Variants in RIF1 observed in about 807,000 individuals in gnomAD.
The protein encoded by RIF1 is telomere-associated protein RIF1.
Under a neutral mutation model 247.1 loss-of-function variants are expected in RIF1, and 45 were observed. The observed-to-expected ratio is 0.18, with a 90% CI of 0.14 to 0.23. The LOEUF (loss-of-function observed/expected upper bound fraction) is 0.23, where lower values mean the gene tolerates loss of function less well. RIF1 is among the 10% of genes least tolerant of loss of function. The pLI is 1.00. For synonymous variants in RIF1, 1,087 were observed against 978.8 expected (o/e 1.11, Z -2.06); for missense variants, 2,967 against 2,862.5 (o/e 1.04, Z -0.83).
In RIF1 at chr2:151,475,653, G is replaced by C. The variant is rs1246166173; in HGVS notation, c.*582G>C. On this transcript the variant is annotated 3_prime_UTR_variant, in exon 36 of 36. Coordinates refer to ENST00000444746, the MANE Select transcript of RIF1 (RefSeq NM_018151.5). ...AACTTCTGGCGGTTAAAATATTAAT[G>C]CAGAATTTACTAAGATTTTATTCAT... is the stretch of plus-strand genomic sequence containing the variant. 6.5e-6 allele frequency: 1 copy of C among 153,722 alleles called. No individual in the cohort carries two copies. Among genetic ancestry groups the C allele is most frequent in the African/African-American group, 2.4e-5 (1 of 41,454 alleles). 9.5% of individuals were successfully genotyped at this position (153,722 alleles called of 1,614,324 possible).
At chr2:151,527,078 G>T in the RIF1 span, 1 of 1,214,502 alleles carries the variant, frequency 8.2e-7, no homozygotes, top group Admixed American at 2.0e-5. Flanking sequence ...GGAGGAAGCT[G>T]GGCATTTGAT....
Position 151,457,884 on chromosome 2 carries a change from CAG to C in RIF1, c.2778_2779del (p.Gln926HisfsTer23). Reference protein sequence around the residue: ...LCIIFLHKNKQIRKQSAQFWN... With the variant: ...LCIIFLHKNKXIRKQSAQFWN... Reference sequence around the variant, plus strand: ...CATAATATTTCTGCACAAGAATAAACAGATTCGAAAACAGAGTGCTCAGTTCT... The same window carrying C: ...CATAATATTTCTGCACAAGAATAAACATTCGAAAACAGAGTGCTCAGTTCT... On this transcript the variant is annotated frameshift_variant, in exon 24 of 36. Transcript: ENST00000444746. LOFTEE classifies it high-confidence loss of function. 6.2e-7 allele frequency: 1 copy of C among 1,613,820 alleles called. No homozygotes were observed. Among genetic ancestry groups the C allele is most frequent in the Non-Finnish European group, 8.5e-7 (1 of 1,179,828 alleles).
chr2:151,417,636 T>C (rs1687440007), intron 6 of RIF1, among the ~76,000 whole-genome samples: 1 of 152,312 alleles, frequency 6.6e-6, no homozygotes, highest in Middle Eastern at 3.4e-3. Context: ...CAGTACAGTA[T>C]AACAACTACT....
rs533746329 is a variant in RIF1, at chr2:151,501,966, A to AAAAT, written c.*710-1066_*710-1063dup. Among the ~76,000 whole-genome samples, 90 of 152,352 alleles carry AAAAT rather than the reference A, an allele frequency of 5.9e-4. 2 individuals are homozygous for AAAAT. The East Asian group carries it at 0.017, about 28-fold the overall frequency. On this transcript the variant is annotated intron_variant and NMD_transcript_variant, in intron 11 of 13. Transcript: ENST00000454583. Reference sequence around the variant, plus strand: ...AATTTATATCTTACATAGCATACAAAAAATAGCCAAGACAAGTAAATTATA... The same window carrying AAAAT: ...AATTTATATCTTACATAGCATACAAAAAATAAATAGCCAAGACAAGTAAATTATA...
intron 29 of RIF1, 78 bp from the exon 30 acceptor site, chr2:151,462,793 GAAGTTTTACACTA>G: frequency 1.1e-6 from 1 of 941,890 alleles, no homozygotes; most frequent in Non-Finnish European, 1.6e-6. Flanking sequence ...TTGGGTTACC[GAAGTTTTACACTA>G]AAGTTTTCCC....
intron 18 of RIF1, among the ~76,000 whole-genome samples, chr2:151,444,321 T>TGTTGTTGTTGA (rs1692863974): frequency 6.6e-6 from 1 of 152,198 alleles, no homozygotes; most frequent in Non-Finnish European, 1.5e-5. Flanking sequence ...TTGTTTTTGT[T>TGTTGTTGTTGA]GTTGTTGAGT....
In RIF1 at chr2:151,440,076, G is replaced by A. The variant is rs1405135599; in HGVS notation, c.1596G>A (p.Lys532=). ...PGSEVLTLLL[K]SLESIVKSEV... is the part of the protein sequence containing the mutation. ...CTGAAGTTTTGACTCTCTTATTAAA[G>A]TCTTTGGAAAGCATAGTAAAGTCTG... The change falls in exon 15 of 36, where the codon AAG becomes AAA. Residue 532 remains lysine, a synonymous_variant. Coordinates refer to ENST00000444746, the MANE Select transcript of RIF1 (RefSeq NM_018151.5). 4.4e-6 allele frequency: 7 copies of A among 1,584,868 alleles called. No individual in the cohort carries two copies. Among genetic ancestry groups the A allele is most frequent in the African/African-American group, 4.1e-5 (3 of 73,252 alleles).
At chr2:151,453,666 A>G (rs899823688) in intron 21 of RIF1, among the ~76,000 whole-genome samples, 1 of 151,744 alleles carries the variant, frequency 6.6e-6, no homozygotes, top group African/African-American at 2.4e-5. Context: ...GATTAGATTC[A>G]GGGTCCATTC....
intron 12 of RIF1, among the ~76,000 whole-genome samples, chr2:151,503,701 A>C (rs1381889375): frequency 6.6e-6 from 1 of 152,216 alleles, no homozygotes; most frequent in Non-Finnish European, 1.5e-5. Flanking sequence ...TGCATTAATA[A>C]ATAAATTTAC....
At position 151,466,022 on chromosome 2, in the gene RIF1, C is replaced by T. The variant is rs748231523; in HGVS notation, c.6502C>T (p.Arg2168Cys). The change falls in exon 30 of 36, where the codon CGC (arginine) becomes TGC (cysteine). Residue 2168 changes from arginine (R) to cysteine (C), a missense_variant. Around this residue, in one of 7 missense-constraint regions of RIF1, gnomAD observed 2,028 missense variants for 1,825.6 expected, o/e 1.11. Coordinates refer to ENST00000444746, the MANE Select transcript of RIF1 (RefSeq NM_018151.5). ...TGACAGTCCTAGTGGCATGCAGACA[C>T]GCTGTGTCTGGTCTCCTTTGGCTTC... The part of the protein sequence containing the change: ...ANDSPSGMQT[R>C]CVWSPLASPS... The T allele has an allele frequency of 3.7e-5, 60 of 1,613,832 alleles. No homozygotes were observed. Among genetic ancestry groups the T allele is most frequent in the Middle Eastern group, 1.6e-4 (1 of 6,080 alleles).
In RIF1 at chr2:151,446,486, G is replaced by A; in HGVS notation, c.2155G>A (p.Ala719Thr). The A allele has an allele frequency of 6.2e-7, 1 of 1,613,988 alleles. No homozygotes were observed. The highest frequency in any genetic ancestry group is 1.3e-5 in the African/African-American group (1 of 75,052). The change falls in exon 20 of 36, where the codon GCT (alanine) becomes ACT (threonine). Residue 719 changes from alanine (A) to threonine (T), a missense_variant. Physicochemically the swap from Ala to Thr is moderately conservative, Grantham distance 58 (BLOSUM62 0). Around this residue, in one of 7 missense-constraint regions of RIF1, gnomAD observed 76 missense variants for 113.3 expected, o/e 0.67. Transcript: ENST00000444746. ...SELYRAFARC[A>T]ALVATAEENL... is the part of the protein sequence containing the mutation. ...ATTATATAGAGCATTTGCTCGTTGT[G>A]CTGCTTTGGTGGCAACAGCAGAAGA...
chr2:151,427,794 G>A (rs1689385009), intron 8 of RIF1, among the ~76,000 whole-genome samples: 1 of 151,784 alleles, frequency 6.6e-6, no homozygotes, highest in Admixed American at 6.6e-5. Context: ...GGCCGGCATG[G>A]TGGCTCACGC....
At chr2:151,527,591 T>C in the RIF1 span, 1 of 1,605,080 alleles carries the variant, frequency 6.2e-7, no homozygotes, top group Non-Finnish European at 8.5e-7. Context: ...TCCAGCTGTT[T>C]TTAACAGGAG....
At chr2:151,503,314 G>A in intron 12 of RIF1, 2 of 1,467,550 alleles carry the variant, frequency 1.4e-6, no homozygotes, top group Non-Finnish European at 1.9e-6. Context: ...ATTTTTTATG[G>A]GAAATAGTTT....
At chr2:151,457,480 T>A (rs1695398750) in intron 23 of RIF1, among the ~76,000 whole-genome samples, 3 of 152,230 alleles carry the variant, frequency 2.0e-5, no homozygotes, top group Admixed American at 1.3e-4. Flanking sequence ...ACCCAAAGTT[T>A]TCTAGGTGAA....
At chr2:151,492,596 G>T (rs2057448013) in intron 9 of RIF1, 10 of 804,670 alleles carry the variant, frequency 1.2e-5, no homozygotes, top group Admixed American at 2.7e-5. Context: ...AGGGACGCTT[G>T]GGTCAACTGA....
chr2:151,530,721 G>A, the RIF1 span: 26 of 324,614 alleles, frequency 8.0e-5, no homozygotes, highest in African/African-American at 3.8e-4. Context: ...CTCCCAGCCC[G>A]CAGCCATCAC....
At chr2:151,437,483 G>A in intron 13 of RIF1, 132 bp downstream of exon 13, 1 of 659,096 alleles carries the variant, frequency 1.5e-6, no homozygotes, top group Admixed American at 2.7e-5. Context: ...TTGAGCTCAG[G>A]AGTTCGAGAC....
At chr2:151,436,392 A>G (rs1404113498) in intron 11 of RIF1, among the ~76,000 whole-genome samples, 1 of 152,068 alleles carries the variant, frequency 6.6e-6, no homozygotes, top group Non-Finnish European at 1.5e-5. Context: ...TTTAAAAATT[A>G]ACTGAGCACA....
Sources: gnomAD v4.1 joint callset for allele counts (sites outside exome capture counted in the v4.1 genomes callset) on GRCh38, gnomAD v4.1.1 for gene constraint, gnomAD v4.1.1 regional missense constraint, MANE v1.5 for transcripts, NCBI Gene and HGNC (gene_info 2026-07-23, HGNC 2026-07-21) for gene names.